Variants in TTC14 observed in about 807,000 individuals in gnomAD.
TTC14 encodes the protein tetratricopeptide repeat domain 14.
Under a neutral mutation model 79.9 loss-of-function variants are expected in TTC14, and 63 were observed. The ratio of observed to expected loss-of-function variants is 0.79; its 90% CI spans 0.64 to 0.97. TTC14 has a LOEUF of 0.97. Ranked by LOEUF, TTC14 falls within the 50% of genes least tolerant of loss-of-function variation. The probability of loss-of-function intolerance (pLI) is 0.00; values close to 1 mark genes in which losing one functional copy is unlikely to be tolerated. For synonymous variants in TTC14, 335 were observed against 309.6 expected (o/e 1.08, Z -0.86); for missense variants, 895 against 894.0 (o/e 1.00, Z -0.01).
Position 180,603,220 on chromosome 3 carries a change from T to C in TTC14, c.383T>C (p.Ile128Thr), listed in dbSNP as rs760216806. ...TTCCGAGATATTGAGCGTGGTGATA[T>C]AGTGATTGGAAGAATTAGTTCTATT... is the stretch of plus-strand genomic sequence containing the variant. ...LFFRDIERGDIVIGRISSIRE... is the reference protein window; with the variant it reads ...LFFRDIERGDTVIGRISSIRE... The change falls in exon 3 of 12, where the codon ATA becomes ACA. Residue 128 changes from isoleucine to threonine, a missense_variant. Coordinates refer to ENST00000296015, the MANE Select transcript of TTC14 (RefSeq NM_133462.4). 6.8e-6 allele frequency: 11 copies of C among 1,614,102 alleles called. No homozygotes were observed. Among genetic ancestry groups the C allele is most frequent in the East Asian group, 2.2e-5 (1 of 44,862 alleles).
intron 12 of TTC14, chr3:180,616,361 A>T: frequency 6.2e-7 from 1 of 1,609,256 alleles, no homozygotes; most frequent in South Asian, 1.1e-5. Context: ...GTTCTAACCC[A>T]CTCTGGAGGA....
At chr3:180,608,339 T>C in intron 10 of TTC14, 1 of 987,078 alleles carries the variant, frequency 1.0e-6, no homozygotes, top group Non-Finnish European at 1.2e-6. Flanking sequence ...TTGAATTTTA[T>C]TTGTAAAATG....
At chr3:180,616,613 T>G in intron 12 of TTC14, 1 of 1,596,558 alleles carries the variant, frequency 6.3e-7, no homozygotes, top group South Asian at 1.1e-5. Flanking sequence ...CTGTTTCATT[T>G]CACGAAGTTT....
In TTC14 at chr3:180,606,505, C is replaced by T. The variant is rs763216090; in HGVS notation, c.1074C>T (p.Asn358=). 1 of 1,613,836 alleles carries T rather than the reference C, an allele frequency of 6.2e-7. No homozygotes were observed. The highest frequency in any genetic ancestry group is 8.5e-7 in the Non-Finnish European group (1 of 1,179,856). The part of the protein sequence containing the change: ...GALYATKGSL[N]KAIEDFELAL... ...GATATGCGACAAAAGGAAGTTTGAACAAAGCAATAGAAGATTTTGAGCTTG... is the reference window on the plus strand; with the variant it reads ...GATATGCGACAAAAGGAAGTTTGAATAAAGCAATAGAAGATTTTGAGCTTG... The change falls in exon 9 of 12, where the codon AAC becomes AAT. Residue 358 remains asparagine, a synonymous_variant. Coordinates refer to ENST00000296015, the MANE Select transcript of TTC14 (RefSeq NM_133462.4).
downstream of TTC14, chr3:180,615,006 G>A (rs1259447766): frequency 1.3e-6 from 2 of 1,561,120 alleles, no homozygotes; most frequent in South Asian, 1.2e-5. Flanking sequence ...TAGTGAAGAG[G>A]AGGCCGGGAA....
At chr3:180,614,562 C>A, downstream of TTC14, 1 of 196,074 alleles carries the variant, frequency 5.1e-6, no homozygotes, top group South Asian at 9.6e-5. Context: ...CATAATAGTA[C>A]AGTAAATCTT....
exon 13 of TTC14, chr3:180,617,435 A>C: frequency 1.5e-6 from 1 of 683,830 alleles, no homozygotes; most frequent in Non-Finnish European, 2.7e-6. Flanking sequence ...CAGGTCCTTC[A>C]GGAGATATTC....
chr3:180,604,652 T>G, intron 5 of TTC14, 45 bp downstream of exon 5: 1 of 1,566,264 alleles, frequency 6.4e-7, no homozygotes, highest in Admixed American at 2.0e-5. Context: ...TACAAAAGTC[T>G]CTTGGATTGA....
At chr3:180,614,914 A>G (rs780168478), downstream of TTC14, 4 of 1,553,512 alleles carry the variant, frequency 2.6e-6, no homozygotes, top group Non-Finnish European at 3.5e-6. Context: ...AGAAGAGATT[A>G]AAATGTTTAT....
exon 13 of TTC14, chr3:180,617,681 C>A: frequency 2.5e-6 from 1 of 393,442 alleles, no homozygotes; most frequent in Non-Finnish European, 4.5e-6. Context: ...TATTTTTGTG[C>A]AGTTGAACAA....
chr3:180,617,855 T>C (rs576331522), downstream of TTC14: 253 of 172,978 alleles, frequency 1.5e-3, no homozygotes, highest in Non-Finnish European at 2.6e-3. Context: ...ATTTATCATG[T>C]CTACAGTAGT....
At chr3:180,609,154 T>C in intron 11 of TTC14, 1 of 689,716 alleles carries the variant, frequency 1.4e-6, no homozygotes, top group Non-Finnish European at 1.8e-6. Context: ...TGGAGACATT[T>C]TTGATTGCCA....
At chr3:180,612,607 G>A (rs751985483), downstream of TTC14, among the ~76,000 whole-genome samples, 1 of 152,130 alleles carries the variant, frequency 6.6e-6, no homozygotes, top group African/African-American at 2.4e-5. Context: ...CAAATAAGTT[G>A]GGTGTGGTGG....
rs374767337 is a variant in TTC14, at chr3:180,604,857, G to A, written c.707G>A (p.Ser236Asn). The change falls in exon 6 of 12, where the codon AGT becomes AAT. Residue 236 changes from serine (S) to asparagine (N), a missense_variant. Coordinates refer to ENST00000296015, the MANE Select transcript of TTC14 (RefSeq NM_133462.4). ...TGTGTTTGTATTTTTTTAAGGAGAA[G>A]TGTTGAGCTAAATAGCAATTCTTTG... is the stretch of plus-strand genomic sequence containing the variant. ...SEELPLYYRR[S>N]VELNSNSLES... The A allele has an allele frequency of 4.5e-5, 73 of 1,605,764 alleles. No individual in the cohort carries two copies. Among genetic ancestry groups the A allele is most frequent in the Non-Finnish European group, 5.8e-5 (68 of 1,177,522 alleles).
chr3:180,604,538 C>G lies in TTC14; in HGVS notation c.632C>G (p.Ser211Cys). The change falls in exon 5 of 12, where the codon TCT becomes TGT. Residue 211 changes from serine to cysteine, a missense_variant. Ser to Cys is a moderately radical substitution (Grantham distance 112). Coordinates refer to ENST00000296015, the MANE Select transcript of TTC14 (RefSeq NM_133462.4). ...EKLAVSLYSS[S>C]LPPHLSGIKL... is the part of the protein sequence containing the mutation. ...CTAGCAGTATCTCTGTATAGCTCTT[C>G]TCTTCCACCACACCTATCTGGTATT... The G allele has an allele frequency of 6.2e-7, 1 of 1,610,838 alleles. No individual in the cohort carries two copies. Among genetic ancestry groups the G allele is most frequent in the Non-Finnish European group, 8.5e-7 (1 of 1,178,676 alleles).
chr3:180,610,437 A>G lies in TTC14; in HGVS notation c.2208A>G (p.Glu736=). 6.2e-7 allele frequency: 1 copy of G among 1,613,668 alleles called. No individual in the cohort carries two copies. The highest frequency in any genetic ancestry group is 1.1e-5 in the South Asian group (1 of 90,918). ...AAGAAGATGCACTAAGTAGCAAAGA[A>G]CACTCAGAAAGCAGTGTTAAGAAAA... ...VPEEDALSSK[E]HSESSVKKNL... The change falls in exon 12 of 12, where the codon GAA becomes GAG. Residue 736 remains glutamate, a synonymous_variant. Coordinates refer to ENST00000296015, the MANE Select transcript of TTC14 (RefSeq NM_133462.4).
At position 180,610,747 on chromosome 3, in the gene TTC14, G is replaced by C; in HGVS notation, c.*205G>C. 1 of 1,269,096 alleles carries C rather than the reference G, an allele frequency of 7.9e-7. No individual in the cohort carries two copies. The highest frequency in any genetic ancestry group is 9.9e-7 in the Non-Finnish European group (1 of 1,005,234). 78.6% of individuals were successfully genotyped at this position (1,269,096 alleles called of 1,614,324 possible). On this transcript the variant is annotated 3_prime_UTR_variant, in exon 12 of 12. Transcript: ENST00000296015. ...ACAGCTTGGTTTTTAGACTTTTTATGTATATGTTTATGTACAGTATATTAC... is the reference window on the plus strand; with the variant it reads ...ACAGCTTGGTTTTTAGACTTTTTATCTATATGTTTATGTACAGTATATTAC...
rs764960471 is a variant in TTC14 at position 180,602,851 on chromosome 3, C to G, written c.162-40C>G. On this transcript the variant is annotated intron_variant, in intron 1 of 11. Transcript: ENST00000296015. ...GAAGGTTAGAAGTAAAGAGGCTTTG[C>G]AGATAACCCAATTTTCATATATATT... 4 of 1,581,238 alleles carry G rather than the reference C, an allele frequency of 2.5e-6. No individual in the cohort carries two copies. The Admixed American group carries it at 7.3e-5, about 29-fold the overall frequency.
rs556893771 is a variant in TTC14, at chr3:180,610,890, T to C, written c.*348T>C. Reference sequence around the variant, plus strand: ...CTTATTCTGCTGTTTGAGAGAAAAATTTGTGCATTGAACACTTGGATCATT... The same window carrying C: ...CTTATTCTGCTGTTTGAGAGAAAAACTTGTGCATTGAACACTTGGATCATT... On this transcript the variant is annotated 3_prime_UTR_variant, in exon 12 of 12. Transcript: ENST00000296015. 6.1e-5 allele frequency: 60 copies of C among 987,864 alleles called. No homozygotes were observed. Among genetic ancestry groups the C allele is most frequent in the Non-Finnish European group, 7.2e-5 (60 of 831,450 alleles). The allele number at this position is 987,864 out of a possible 1,614,324, so 61.2% of individuals were successfully genotyped here. A position where few individuals can be genotyped will look rare whatever the true frequency, so the allele number is the denominator to read the frequency against.
Sources: gnomAD v4.1 joint callset for allele counts (sites outside exome capture counted in the v4.1 genomes callset) on GRCh38, gnomAD v4.1.1 for gene constraint, MANE v1.5 for transcripts, NCBI Gene and HGNC (gene_info 2026-07-23, HGNC 2026-07-21) for gene names.